The following SDK1 variants were observed in gnomAD, a reference collection of about 807,000 sequenced individuals.
The protein encoded by SDK1 is protein sidekick-1.
SDK1 carries 157 observed loss-of-function variants against 245.5 expected under a neutral mutation model. The observed-to-expected ratio is 0.64, with a 90% confidence interval of 0.56 to 0.73. SDK1 has a LOEUF of 0.73. Among genes scored for constraint, SDK1 ranks in the 30% least tolerant of loss-of-function variants. The pLI is 0.00. For synonymous variants in SDK1, 1,647 were observed against 1,278.5 expected (o/e 1.29, Z -6.15); for missense variants, 3,583 against 3,002.3 (o/e 1.19, Z -4.52).
intron 5 of SDK1, among the ~76,000 whole-genome samples, chr7:3,918,228 A>C (rs1779454361): frequency 6.6e-6 from 1 of 152,150 alleles, no homozygotes; most frequent in Admixed American, 6.5e-5. Flanking sequence ...CCCCCCAGCC[A>C]CAGACTGGTA....
intron 1 of SDK1, among the ~76,000 whole-genome samples, chr7:3,532,369 A>G (rs999873212): frequency 3.3e-5 from 5 of 152,146 alleles, no homozygotes; most frequent in Non-Finnish European, 7.4e-5. Flanking sequence ...AGGCATTCAC[A>G]TCTTCCCACT....
At chr7:4,169,019 C>T (rs563245601) in intron 32 of SDK1, among the ~76,000 whole-genome samples, 114 of 152,276 alleles carry the variant, frequency 7.5e-4, no homozygotes, top group African/African-American at 2.5e-3. Context: ...TCTCTGGGTG[C>T]GCAGGCATGT....
At chr7:3,756,916 C>T (rs1779949204) in intron 4 of SDK1, among the ~76,000 whole-genome samples, 1 of 152,176 alleles carries the variant, frequency 6.6e-6, no homozygotes, top group African/African-American at 2.4e-5. Context: ...GCGATGCGAA[C>T]CTTGACCCTT....
intron 1 of SDK1, among the ~76,000 whole-genome samples, chr7:3,596,619 C>T (rs1435592854): frequency 6.6e-6 from 1 of 152,168 alleles, no homozygotes; most frequent in African/African-American, 2.4e-5. Context: ...TAATCTCCAT[C>T]CCTGTAGGCA....
At chr7:3,424,541 G>C (rs1583836994) in intron 1 of SDK1, among the ~76,000 whole-genome samples, 1 of 152,084 alleles carries the variant, frequency 6.6e-6, no homozygotes, top group Non-Finnish European at 1.5e-5. Flanking sequence ...GAATCTTGCT[G>C]CATCAGTTTG....
intron 5 of SDK1, among the ~76,000 whole-genome samples, chr7:3,846,738 G>A (rs1780288393): frequency 6.6e-6 from 1 of 152,104 alleles, no homozygotes; most frequent in Non-Finnish European, 1.5e-5. Flanking sequence ...GGAACCCTGT[G>A]AGCACACTCA....
chr7:4,089,184 G>GGATGAGGTCCCAC (rs770625723), intron 22 of SDK1, among the ~76,000 whole-genome samples: 54 of 151,092 alleles, frequency 3.6e-4, no homozygotes, highest in Non-Finnish European at 6.7e-4. Flanking sequence ...GGCATCTGCA[G>GGATGAGGTCCCAC]GATGAGGTCT....
intron 42 of SDK1, among the ~76,000 whole-genome samples, chr7:4,238,686 T>TTACA (rs1233269997): frequency 6.6e-6 from 1 of 151,876 alleles, no homozygotes; most frequent in Non-Finnish European, 1.5e-5. Flanking sequence ...GTAGCTAGGA[T>TTACA]TACAGGCATG....
chr7:3,413,683 T>A (rs1779277638), intron 1 of SDK1, among the ~76,000 whole-genome samples: 1 of 151,954 alleles, frequency 6.6e-6, no homozygotes, highest in Admixed American at 6.6e-5. Context: ...CGAAACTTCA[T>A]CTCAAACAAA....
chr7:3,706,921 A>T (rs1415082193), intron 4 of SDK1, among the ~76,000 whole-genome samples: 2 of 152,256 alleles, frequency 1.3e-5, no homozygotes, highest in African/African-American at 4.8e-5. Context: ...TAGTTTTATT[A>T]CTAATTGAGT....
chr7:3,464,478 G>A (rs551628549), intron 1 of SDK1, among the ~76,000 whole-genome samples: 7 of 152,200 alleles, frequency 4.6e-5, no homozygotes, highest in East Asian at 1.9e-4. Context: ...CTACGATTTC[G>A]CCACTGCACT....
intron 41 of SDK1, among the ~76,000 whole-genome samples, chr7:4,234,376 A>C (rs769779167): frequency 8.5e-5 from 13 of 152,130 alleles, no homozygotes; most frequent in Non-Finnish European, 1.5e-4. Context: ...CCCCGAGAGC[A>C]CCCGTGTTAG....
chr7:3,389,725 A>C (rs1382166822), intron 1 of SDK1, among the ~76,000 whole-genome samples: 1 of 147,424 alleles, frequency 6.8e-6, no homozygotes. Context: ...TGATCGTGCC[A>C]CTGCACTCCA....
intron 4 of SDK1, among the ~76,000 whole-genome samples, chr7:3,707,690 C>G (rs1437247930): frequency 1.3e-5 from 2 of 152,156 alleles, no homozygotes; most frequent in Non-Finnish European, 2.9e-5. Flanking sequence ...TATCTCATCT[C>G]TTAGGTCTAA....
Position 4,265,509 on chromosome 7 carries a change from G to C in SDK1, c.*125G>C. On this transcript the variant is annotated 3_prime_UTR_variant, in exon 45 of 45. Transcript: ENST00000404826. ...TTAAAAAGAAAAAAATCTGATAAGTGATGATTTTACCTACTTGTGGACACT... is the reference window on the plus strand; with the variant it reads ...TTAAAAAGAAAAAAATCTGATAAGTCATGATTTTACCTACTTGTGGACACT... The C allele has an allele frequency of 1.5e-6, 2 of 1,371,418 alleles. No homozygotes were observed. The highest frequency in any genetic ancestry group is 1.9e-6 in the Non-Finnish European group (2 of 1,071,034). 85.0% of individuals were successfully genotyped at this position (1,371,418 alleles called of 1,614,324 possible). A position where few individuals can be genotyped will look rare whatever the true frequency, so the allele number is the denominator to read the frequency against.
chr7:3,424,021 C>T (rs1474265451), intron 1 of SDK1, among the ~76,000 whole-genome samples: 2 of 151,932 alleles, frequency 1.3e-5, no homozygotes, highest in African/African-American at 2.4e-5. Flanking sequence ...AAGCGATCCT[C>T]CTACCTCAAA....
chr7:4,253,069 T>C (rs916562929), intron 44 of SDK1, among the ~76,000 whole-genome samples: 2 of 152,272 alleles, frequency 1.3e-5, no homozygotes, highest in South Asian at 2.1e-4. Context: ...TGTTCATCTT[T>C]GCAAAGAACC....
At chr7:4,157,779 G>A (rs551749357) in intron 30 of SDK1, among the ~76,000 whole-genome samples, 32 of 152,150 alleles carry the variant, frequency 2.1e-4, no homozygotes, top group Middle Eastern at 6.8e-3. Flanking sequence ...CCCAGAGCTC[G>A]TGTGAGTTCA....
At chr7:3,752,223 G>A (rs1211947794) in intron 4 of SDK1, among the ~76,000 whole-genome samples, 1 of 152,146 alleles carries the variant, frequency 6.6e-6, no homozygotes, top group Non-Finnish European at 1.5e-5. Context: ...ATTAGGGACT[G>A]CAGTCTATGT....
Sources: gnomAD v4.1 joint callset for allele counts (sites outside exome capture counted in the v4.1 genomes callset) on GRCh38, gnomAD v4.1.1 for gene constraint, MANE v1.5 for transcripts, NCBI Gene and HGNC (gene_info 2026-07-23, HGNC 2026-07-21) for gene names.